ITGB5: variants seen among roughly 807,000 people sequenced by gnomAD.
ITGB5 encodes integrin beta-5.
Under a neutral mutation model 84.8 loss-of-function variants are expected in ITGB5, and 38 were observed. The ratio of observed to expected loss-of-function variants is 0.45; its 90% confidence interval spans 0.35 to 0.59. ITGB5 has a LOEUF of 0.59. Among genes scored for constraint, ITGB5 ranks in the 20% least tolerant of loss-of-function variants. The pLI is 0.01. For synonymous variants in ITGB5, 393 were observed against 414.4 expected (o/e 0.95, Z 0.63); for missense variants, 905 against 1,034.5 (o/e 0.87, Z 1.72).
rs375414575 is a variant in ITGB5, at chr3:124,849,072, G to A, written c.362-514C>T. ...TGGGATTACAGGTGTGAGCCACCAC[G>A]CCTGGCCTGGGCTTAGCATTTCTAA... On this transcript the variant is annotated intron_variant, in intron 3 of 14. Coordinates refer to ENST00000296181, the MANE Select transcript of ITGB5 (RefSeq NM_002213.5). Among the ~76,000 whole-genome samples the A allele has an allele frequency of 2.7e-4, 41 of 152,224 alleles. No homozygotes were observed. In the South Asian group the frequency reaches 6.6e-3, roughly 25 times the overall value.
chr3:124,772,795 C>A (rs1980077), intron 11 of ITGB5, among the ~76,000 whole-genome samples: 3,187 of 152,188 alleles, frequency 0.021, 129 homozygotes, highest in African/African-American at 0.073. Context: ...CTGCATTCAG[C>A]AGCAGCACAG....
chr3:124,783,657 A>G (rs1473144414), intron 10 of ITGB5, among the ~76,000 whole-genome samples: 1 of 152,256 alleles, frequency 6.6e-6, no homozygotes, highest in Non-Finnish European at 1.5e-5. Context: ...TGAAGAACTT[A>G]AATGTGATTC....
chr3:124,863,177 C>A (rs1007713971), intron 2 of ITGB5: 2 of 152,126 alleles, frequency 1.3e-5, no homozygotes. Context: ...TATATCGAGT[C>A]CTGTCATTAT....
intron 8 of ITGB5, among the ~76,000 whole-genome samples, chr3:124,815,782 C>G (rs761997934): frequency 6.6e-6 from 1 of 152,210 alleles, no homozygotes; most frequent in Non-Finnish European, 1.5e-5. Flanking sequence ...CTCTGGGTGT[C>G]GCACTTCAGC....
At position 124,873,434 on chromosome 3, in the gene ITGB5, C is replaced by T. The variant is rs770469725; in HGVS notation, c.156+12G>A. 6.3e-7 allele frequency: 1 copy of T among 1,596,138 alleles called. No homozygotes were observed. The highest frequency in any genetic ancestry group is 1.1e-5 in the South Asian group (1 of 90,688). ...TTCCTTCCCTTCTTCCTCCCCTCCC[C>T]CACCTACATACCTCTTTGGAGCACC... On this transcript the variant is annotated intron_variant, in intron 2 of 14. Coordinates refer to ENST00000296181, the MANE Select transcript of ITGB5 (RefSeq NM_002213.5).
chr3:124,776,381 C>G (rs2063927205), intron 10 of ITGB5, among the ~76,000 whole-genome samples: 1 of 152,228 alleles, frequency 6.6e-6, no homozygotes, highest in South Asian at 2.1e-4. Context: ...GGTCAAGAGC[C>G]TGGTTTCAAT....
intron 5 of ITGB5, among the ~76,000 whole-genome samples, chr3:124,839,489 C>G (rs1440102373): frequency 2.0e-5 from 3 of 152,148 alleles, no homozygotes; most frequent in African/African-American, 7.2e-5. Context: ...ATAAAATATA[C>G]TCAGACACTG....
intron 5 of ITGB5, among the ~76,000 whole-genome samples, chr3:124,827,913 C>G (rs1327494299): frequency 1.3e-5 from 2 of 151,624 alleles, no homozygotes; most frequent in African/African-American, 4.9e-5. Flanking sequence ...CCACCCCTGC[C>G]AGCCAGAGAA....
intron 5 of ITGB5, among the ~76,000 whole-genome samples, chr3:124,825,555 A>T: frequency 6.6e-6 from 1 of 152,256 alleles, no homozygotes; most frequent in East Asian, 1.9e-4. Flanking sequence ...ACATGGATGA[A>T]TCTCAAAGCA....
At chr3:124,886,835 T>A in intron 1 of ITGB5, 96 bp downstream of exon 1, 1 of 761,730 alleles carries the variant, frequency 1.3e-6, no homozygotes, top group Non-Finnish European at 1.7e-6. Context: ...CCCTCCGCCC[T>A]CAGGCACCGC....
chr3:124,763,314 A>G lies in ITGB5; in HGVS notation c.*309T>C, dbSNP rs61761685. The G allele has an allele frequency of 0.015, 3,464 of 231,700 alleles. 142 individuals carry two copies. The highest frequency in any genetic ancestry group is 0.073 in the African/African-American group (3,245 of 44,534). 14.4% of individuals were successfully genotyped at this position (231,700 alleles called of 1,614,324 possible). On this transcript the variant is annotated 3_prime_UTR_variant, in exon 15 of 15. Coordinates refer to ENST00000296181, the MANE Select transcript of ITGB5 (RefSeq NM_002213.5). Reference sequence around the variant, plus strand: ...CCCAGCATTCCTGGAAGGGAGAGACAGCCCAGCATCTCAGTATTTCATTGG... The same window carrying G: ...CCCAGCATTCCTGGAAGGGAGAGACGGCCCAGCATCTCAGTATTTCATTGG...
chr3:124,897,297 T>C (rs1935123258), intron 1 of ITGB5, among the ~76,000 whole-genome samples: 1 of 152,130 alleles, frequency 6.6e-6, no homozygotes, highest in Non-Finnish European at 1.5e-5. Context: ...CTCACTATGT[T>C]GCCCAGTCTG....
At chr3:124,816,444 T>C (rs2064594034) in intron 8 of ITGB5, among the ~76,000 whole-genome samples, 1 of 152,212 alleles carries the variant, frequency 6.6e-6, no homozygotes, top group African/African-American at 2.4e-5. Flanking sequence ...TTACCTAAGT[T>C]TAGGATTAAT....
At chr3:124,775,223 AGTGT>A (rs1380761080) in intron 10 of ITGB5, among the ~76,000 whole-genome samples, 2 of 151,534 alleles carry the variant, frequency 1.3e-5, no homozygotes, top group Non-Finnish European at 1.5e-5. Context: ...AGCGAGTGTG[AGTGT>A]GTATGAGTGT....
At chr3:124,873,702 T>C (rs1934166619) in intron 1 of ITGB5, among the ~76,000 whole-genome samples, 171 bp from the exon 2 acceptor site, 1 of 152,148 alleles carries the variant, frequency 6.6e-6, no homozygotes, top group Non-Finnish European at 1.5e-5. Context: ...AGGCTGAACA[T>C]TGAGTTTTTG....
intron 2 of ITGB5, among the ~76,000 whole-genome samples, chr3:124,861,505 C>T (rs1041545184): frequency 7.4e-5 from 10 of 134,230 alleles, no homozygotes; most frequent in Admixed American, 2.2e-4. Flanking sequence ...TACACACACA[C>T]ACACACACAC....
chr3:124,787,344 A>G (rs1212707621), intron 10 of ITGB5: 1 of 152,222 alleles, frequency 6.6e-6, no homozygotes, highest in Non-Finnish European at 1.5e-5. Flanking sequence ...CTAAGCTCAG[A>G]GCACCGAGAA....
chr3:124,794,023 T>C (rs774997272), intron 10 of ITGB5, among the ~76,000 whole-genome samples: 11 of 152,204 alleles, frequency 7.2e-5, no homozygotes, highest in Non-Finnish European at 1.5e-4. Flanking sequence ...GGACGGAGTA[T>C]CTGCACGTTC....
Position 124,841,267 on chromosome 3 carries a change from G to A in ITGB5, c.780+116C>T, listed in dbSNP as rs1329803161. On this transcript the variant is annotated intron_variant, in intron 5 of 14. Coordinates refer to ENST00000296181, the MANE Select transcript of ITGB5 (RefSeq NM_002213.5). Reference sequence around the variant, plus strand: ...ACTGAGCTCACCCTCTGACTTCAGAGTGGTCAGGAGCCACATGCTGGGGCA... The same window carrying A: ...ACTGAGCTCACCCTCTGACTTCAGAATGGTCAGGAGCCACATGCTGGGGCA... 6 of 929,724 alleles carry A rather than the reference G, an allele frequency of 6.5e-6. No homozygotes were observed. In the African/African-American group the frequency reaches 6.7e-5, roughly 10 times the overall value. The allele number at this position is 929,724 out of a possible 1,614,324, so 57.6% of individuals were successfully genotyped here. A position where few individuals can be genotyped will look rare whatever the true frequency, so the allele number is the denominator to read the frequency against.
Sources: allele counts gnomAD v4.1 joint callset (sites outside exome capture counted in the v4.1 genomes callset), GRCh38; gene constraint gnomAD v4.1.1; transcripts MANE v1.5; gene names NCBI Gene and HGNC (gene_info 2026-07-23, HGNC 2026-07-21).